Variants in TTC39B observed in about 807,000 individuals in gnomAD.
The protein encoded by TTC39B is tetratricopeptide repeat domain 39B.
In TTC39B, 92 loss-of-function variants were observed where a neutral mutation model predicts 96.6. The ratio of observed to expected loss-of-function variants is 0.95; its 90% CI spans 0.80 to 1.13. TTC39B has a LOEUF of 1.13. Among genes scored for constraint, TTC39B ranks in the 50% most tolerant of loss-of-function variants. The pLI, the probability that TTC39B is intolerant of heterozygous loss-of-function variation, is 0.00. For synonymous variants in TTC39B, 367 were observed against 299.4 expected (o/e 1.23, Z -2.33); for missense variants, 955 against 809.3 (o/e 1.18, Z -2.18).
At chr9:15,272,351 C>G (rs1431334172) in intron 1 of TTC39B, among the ~76,000 whole-genome samples, 1 of 152,174 alleles carries the variant, frequency 6.6e-6, no homozygotes, top group Non-Finnish European at 1.5e-5. Flanking sequence ...CCCTTAGCTC[C>G]CCAGTACTGG....
In TTC39B at chr9:15,189,760, G is replaced by T. The variant is rs754328219; in HGVS notation, c.1138C>A (p.Arg380Ser). The T allele has an allele frequency of 2.5e-6, 4 of 1,613,420 alleles. No individual in the cohort carries two copies. In the Admixed American group the frequency reaches 6.7e-5, roughly 27 times the overall value. Residue 380 changes from arginine to serine, a missense_variant, in exon 12 of 20, where the codon CGT (arginine) becomes AGT (serine). Coordinates refer to ENST00000512701, the Ensembl canonical transcript of TTC39B. ...TGCTGGAGGAAGGGTGCCAGGAGACGCTCTGCTTCCGCAACATTCACTTCT... is the reference window on the plus strand; with the variant it reads ...TGCTGGAGGAAGGGTGCCAGGAGACTCTCTGCTTCCGCAACATTCACTTCT...
chr9:15,183,326 A>G (rs781254159), intron 16 of TTC39B: 2 of 430,878 alleles, frequency 4.6e-6, no homozygotes, highest in South Asian at 1.7e-5. Flanking sequence ...CAAGAGTTCA[A>G]TTCAATAACA....
At chr9:15,185,670 C>T (rs114947652) in intron 15 of TTC39B, 1 of 366,012 alleles carries the variant, frequency 2.7e-6, no homozygotes, top group African/African-American at 2.1e-5. Context: ...CTGACTGACA[C>T]ATATTTCTTT....
chr9:15,191,665 T>C (rs956563823), intron 9 of TTC39B, among the ~76,000 whole-genome samples: 6 of 152,178 alleles, frequency 3.9e-5, no homozygotes, highest in Admixed American at 3.3e-4. Flanking sequence ...CTACCACTTC[T>C]CTCTGGGATA....
intron 14 of TTC39B, 72 bp from the exon 15 acceptor site, chr9:15,187,107 T>C (rs2118716984): frequency 1.8e-6 from 2 of 1,112,816 alleles, no homozygotes; most frequent in South Asian, 3.4e-5. Flanking sequence ...AAATCAGGAA[T>C]GACCAACAAG....
intron 1 of TTC39B, among the ~76,000 whole-genome samples, chr9:15,289,546 C>T (rs1256789594): frequency 4.6e-5 from 7 of 152,324 alleles, no homozygotes; most frequent in African/African-American, 1.4e-4. Flanking sequence ...GGCACAATGC[C>T]GGCAAATGGC....
intron 2 of TTC39B, among the ~76,000 whole-genome samples, chr9:15,238,393 C>A (rs1336696408): frequency 1.3e-5 from 2 of 151,980 alleles, no homozygotes; most frequent in Admixed American, 6.6e-5. Context: ...GACAGAAAAC[C>A]CCGAAGACTC....
rs1003658072 is a variant in TTC39B at position 15,250,955 on chromosome 9, A to T, written c.275+16959T>A. 2.6e-5 allele frequency among the ~76,000 whole-genome samples: 4 copies of T among 152,022 alleles called. No homozygotes were observed. The East Asian group carries it at 5.8e-4, about 22-fold the overall frequency. ...GCTCATGCCTGTAATCCCAGCACTT[A>T]GGGAGGCTGAGGGGGGCAGATCACA... On this transcript the variant is annotated intron_variant, in intron 2 of 19. Coordinates refer to ENST00000512701, the Ensembl canonical transcript of TTC39B.
chr9:15,221,331 A>G, intron 3 of TTC39B, among the ~76,000 whole-genome samples: 1 of 152,184 alleles, frequency 6.6e-6, no homozygotes, highest in East Asian at 1.9e-4. Context: ...ATATACTATG[A>G]ACACATTCAT....
chr9:15,306,940 G>T lies in TTC39B; in HGVS notation c.240+144C>A. Reference sequence around the variant, plus strand: ...GGGGACAGACCTACCAAGGCCGGGCGCCCCCACCCGGCGCCCGCCAGCCCA... The same window carrying T: ...GGGGACAGACCTACCAAGGCCGGGCTCCCCCACCCGGCGCCCGCCAGCCCA... On this transcript the variant is annotated intron_variant, in intron 1 of 19. Coordinates refer to ENST00000512701, the Ensembl canonical transcript of TTC39B. The surrounding 1 kb of genome is among the most constrained non-coding windows in gnomAD (Gnocchi z 5.1). The T allele has an allele frequency of 8.5e-7, 1 of 1,177,066 alleles. No individual in the cohort carries two copies. Among genetic ancestry groups the T allele is most frequent in the Admixed American group, 2.9e-5 (1 of 34,776 alleles). The allele number at this position is 1,177,066 out of a possible 1,614,324, so 72.9% of individuals were successfully genotyped here.
At chr9:15,186,120 G>A (rs183650891) in intron 15 of TTC39B, among the ~76,000 whole-genome samples, 1 of 152,156 alleles carries the variant, frequency 6.6e-6, no homozygotes, top group South Asian at 2.1e-4. Flanking sequence ...ACAAGTTGCT[G>A]AGAAAGAATT....
At chr9:15,171,524 T>G (rs1210687997) in exon 20 of TTC39B, 1 of 152,668 alleles carries the variant, frequency 6.6e-6, no homozygotes, top group African/African-American at 2.4e-5. Context: ...GTTCTCAGAC[T>G]GTCTTTTTCA....
At chr9:15,206,607 G>A (rs1263494876) in intron 6 of TTC39B, among the ~76,000 whole-genome samples, 1 of 152,170 alleles carries the variant, frequency 6.6e-6, no homozygotes, top group Non-Finnish European at 1.5e-5. Flanking sequence ...TTAGTCCACA[G>A]GAGTAAATAT....
In TTC39B at chr9:15,231,054, C is replaced by A. The variant is rs141005293; in HGVS notation, c.276-5042G>T. 4.4e-4 allele frequency among the ~76,000 whole-genome samples: 67 copies of A among 151,824 alleles called. 1 individual carries two copies. In the East Asian group the frequency reaches 0.012, roughly 28 times the overall value. ...TCATTTCTCTTAATTATATATCTAG[C>A]ATTGCTATGGAATGCTAAATTATGG... On this transcript the variant is annotated intron_variant, in intron 2 of 19. Transcript: ENST00000512701.
exon 20 of TTC39B, chr9:15,169,211 T>C (rs2118344686): frequency 6.6e-6 from 1 of 152,354 alleles, no homozygotes; most frequent in South Asian, 2.1e-4. Flanking sequence ...GTCTCATTTC[T>C]GCCCTCTGAG....
In TTC39B at chr9:15,180,747, C is replaced by T. The variant is rs569298463; in HGVS notation, c.1723+1560G>A. ...GCTCTGAAGGATAGGAGCTTAATTA[C>T]TAAACCGTCCTAACAGTTCAAGGTG... On this transcript the variant is annotated intron_variant, in intron 17 of 19. Transcript: ENST00000512701. 2.8e-4 allele frequency among the ~76,000 whole-genome samples: 42 copies of T among 152,270 alleles called. No homozygotes were observed. In the Middle Eastern group the frequency reaches 0.01, roughly 37 times the overall value.
At chr9:15,271,152 G>A (rs1037883872) in intron 1 of TTC39B, among the ~76,000 whole-genome samples, 1 of 151,968 alleles carries the variant, frequency 6.6e-6, no homozygotes, top group African/African-American at 2.4e-5. Flanking sequence ...GGAGGGGGTG[G>A]GAGATGAAGG....
At chr9:15,214,682 T>A (rs1339402177) in intron 3 of TTC39B, among the ~76,000 whole-genome samples, 1 of 152,210 alleles carries the variant, frequency 6.6e-6, no homozygotes, top group African/African-American at 2.4e-5. Flanking sequence ...TCACAGAAAT[T>A]TGTTCTGTTT....
intron 1 of TTC39B, among the ~76,000 whole-genome samples, chr9:15,296,163 G>C (rs1418720443): frequency 1.3e-5 from 2 of 152,216 alleles, no homozygotes; most frequent in African/African-American, 4.8e-5. Context: ...CCTCAAAGAA[G>C]CTGTGACTGG....
Sources: gnomAD v4.1 joint callset for allele counts (sites outside exome capture counted in the v4.1 genomes callset) on GRCh38, gnomAD v4.1.1 for gene constraint, Gnocchi (gnomAD v3.1) non-coding constraint, MANE v1.5 for transcripts, NCBI Gene and HGNC (gene_info 2026-07-23, HGNC 2026-07-21) for gene names.